The following P4HA1 variants were observed in gnomAD, a reference collection of about 807,000 sequenced individuals.
P4HA1 encodes prolyl 4-hydroxylase subunit alpha-1.
In P4HA1, 24 loss-of-function variants were observed where a neutral mutation model predicts 72.8. The observed-to-expected ratio is 0.33, with a 90% CI of 0.24 to 0.46. P4HA1 has a LOEUF of 0.46. Among genes scored for constraint, P4HA1 ranks in the 20% least tolerant of loss-of-function variants. P4HA1 has a pLI of 1.00. For synonymous variants in P4HA1, 201 were observed against 218.8 expected (o/e 0.92, Z 0.72); for missense variants, 446 against 640.6 (o/e 0.70, Z 3.28).
intron 5 of P4HA1, among the ~76,000 whole-genome samples, chr10:73,067,495 T>C (rs868590433): frequency 6.6e-6 from 1 of 152,186 alleles, no homozygotes; most frequent in African/African-American, 2.4e-5. Flanking sequence ...TGCTTACCTC[T>C]CTAGTCTCAG....
chr10:73,092,466 C>G (rs1842056126), intron 1 of P4HA1, among the ~76,000 whole-genome samples: 2 of 149,986 alleles, frequency 1.3e-5, no homozygotes, highest in Non-Finnish European at 3.0e-5. Context: ...CCTCCCACCT[C>G]AGCCTCCCAA....
chr10:73,074,677 C>T, intron 2 of P4HA1, 131 bp downstream of exon 2: 1 of 591,048 alleles, frequency 1.7e-6, no homozygotes, highest in African/African-American at 1.9e-5. Context: ...TAAAAAAGGA[C>T]CTTTTAGGGG....
chr10:73,053,316 T>C (rs1009116453), intron 6 of P4HA1, 35 bp downstream of exon 6: 3 of 1,597,706 alleles, frequency 1.9e-6, no homozygotes, highest in Non-Finnish European at 2.6e-6. Context: ...TCCCTCAATA[T>C]AACTATAACC....
At chr10:73,024,027 A>T (rs1233820812) in intron 10 of P4HA1, among the ~76,000 whole-genome samples, 7 of 152,216 alleles carry the variant, frequency 4.6e-5, no homozygotes, top group South Asian at 4.1e-4. Context: ...TTAGACTCTC[A>T]CACAATAATA....
chr10:73,048,135 A>G (rs1228059314), intron 7 of P4HA1, among the ~76,000 whole-genome samples: 1 of 152,222 alleles, frequency 6.6e-6, no homozygotes, highest in East Asian at 1.9e-4. Context: ...CTAATAGTAT[A>G]CTAAAACAAA....
At chr10:73,083,976 T>A (rs921796558) in intron 1 of P4HA1, among the ~76,000 whole-genome samples, 1 of 152,142 alleles carries the variant, frequency 6.6e-6, no homozygotes, top group Non-Finnish European at 1.5e-5. Flanking sequence ...ATAAACAAGC[T>A]AACAAAAAAA....
At chr10:73,054,781 T>C (rs1379623208) in intron 5 of P4HA1, among the ~76,000 whole-genome samples, 1 of 152,244 alleles carries the variant, frequency 6.6e-6, no homozygotes, top group African/African-American at 2.4e-5. Flanking sequence ...TTTTTTATTG[T>C]AGACATTCTG....
rs763269804 is a variant in P4HA1 at position 73,010,926 on chromosome 10, AG to A, written c.1437+42del. 1.6e-4 allele frequency: 228 copies of A among 1,421,172 alleles called. No homozygotes were observed. In the African/African-American group the frequency reaches 3.0e-3, roughly 19 times the overall value. 88.0% of individuals were successfully genotyped at this position (1,421,172 alleles called of 1,614,324 possible). On this transcript the variant is annotated intron_variant, in intron 13 of 14. Coordinates refer to ENST00000394890, the MANE Select transcript of P4HA1 (RefSeq NM_001017962.3). ...ATGAATACAAGTGCATCTCTTCCTT[AG>A]GGAAAAAATTAATAAACCAAAAACA...
intron 5 of P4HA1, among the ~76,000 whole-genome samples, chr10:73,058,090 G>GA (rs869244017): frequency 0.013 from 302 of 23,040 alleles, 32 homozygotes; most frequent in Non-Finnish European, 0.02. Context: ...ACTCCGTCCA[G>GA]AAAAAAAAAA....
chr10:73,033,112 A>G (rs1840478280), intron 9 of P4HA1, among the ~76,000 whole-genome samples: 1 of 152,222 alleles, frequency 6.6e-6, no homozygotes, highest in Non-Finnish European at 1.5e-5. Flanking sequence ...GTATATGTCA[A>G]TGTACCTGTC....
At chr10:73,028,307 AACACACACAC>A (rs10561551) in intron 10 of P4HA1, among the ~76,000 whole-genome samples, 5,991 of 143,728 alleles carry the variant, frequency 0.042, 408 homozygotes, top group African/African-American at 0.14. Flanking sequence ...GTCACTGTAA[AACACACACAC>A]ACACACACAC....
intron 4 of P4HA1, among the ~76,000 whole-genome samples, chr10:73,070,820 G>A (rs560316037): frequency 5.8e-4 from 88 of 152,112 alleles, no homozygotes; most frequent in Non-Finnish European, 1.1e-3. Flanking sequence ...ACAACAAAGT[G>A]CCAAGGTTCA....
intron 9 of P4HA1, among the ~76,000 whole-genome samples, chr10:73,041,070 T>C (rs1318849092): frequency 6.6e-6 from 1 of 152,200 alleles, no homozygotes; most frequent in East Asian, 1.9e-4. Flanking sequence ...TATCTATTAG[T>C]GTTCCTTAAG....
At chr10:73,028,217 A>G (rs1383617854) in intron 10 of P4HA1, among the ~76,000 whole-genome samples, 2 of 147,342 alleles carry the variant, frequency 1.4e-5, no homozygotes, top group East Asian at 4.1e-4. Context: ...AAAAGCTTTC[A>G]TAATTTTGAG....
chr10:73,012,455 C>T (rs1379115086), intron 12 of P4HA1, among the ~76,000 whole-genome samples: 9 of 152,138 alleles, frequency 5.9e-5, no homozygotes, highest in African/African-American at 2.2e-4. Context: ...CCGTACTAAC[C>T]CTCTCCTGGT....
At chr10:73,079,091 T>C (rs2133146907) in intron 1 of P4HA1, among the ~76,000 whole-genome samples, 1 of 152,298 alleles carries the variant, frequency 6.6e-6, no homozygotes, top group East Asian at 1.9e-4. Context: ...TAACAAATAA[T>C]ATAAGGTTTT....
At chr10:73,011,188 A>C (rs1353818626) in intron 12 of P4HA1, 151 bp from the exon 13 acceptor site, 2 of 493,266 alleles carry the variant, frequency 4.1e-6, no homozygotes, top group Non-Finnish European at 7.1e-6. Flanking sequence ...AGTTTTTCAA[A>C]AATAAAATGC....
intron 1 of P4HA1, among the ~76,000 whole-genome samples, chr10:73,090,804 T>C (rs1842011961): frequency 1.3e-5 from 2 of 152,048 alleles, no homozygotes; most frequent in South Asian, 4.2e-4. Flanking sequence ...CTCATGCCTG[T>C]AATCCCAGCA....
At chr10:73,057,289 G>A (rs1043649958) in intron 5 of P4HA1, among the ~76,000 whole-genome samples, 1 of 151,664 alleles carries the variant, frequency 6.6e-6, no homozygotes, top group Non-Finnish European at 1.5e-5. Context: ...AGGAGATCGC[G>A]ATCATCCTGG....
Sources: gnomAD v4.1 joint callset for allele counts (sites outside exome capture counted in the v4.1 genomes callset) on GRCh38, gnomAD v4.1.1 for gene constraint, MANE v1.5 for transcripts, NCBI Gene and HGNC (gene_info 2026-07-23, HGNC 2026-07-21) for gene names.